The following TENM3 variants were observed in gnomAD, a reference collection of about 807,000 sequenced individuals.
TENM3 encodes teneurin transmembrane protein 3, also known as teneurin-3.
Under a neutral mutation model 255.1 loss-of-function variants are expected in TENM3, and 63 were observed. That is an observed-to-expected ratio of 0.25 (90% CI 0.20 to 0.30). The LOEUF (loss-of-function observed/expected upper bound fraction) is 0.30, where lower values mean the gene tolerates loss of function less well. Among genes scored for constraint, TENM3 ranks in the 10% least tolerant of loss-of-function variants. The probability of loss-of-function intolerance (pLI) is 1.00; values close to 1 mark genes in which losing one functional copy is unlikely to be tolerated. For synonymous variants in TENM3, 1,306 were observed against 1,322.3 expected (o/e 0.99, Z 0.27); for missense variants, 2,929 against 3,461.1 (o/e 0.85, Z 3.86).
At chr4:181,502,126 A>G in the TENM3 span, among the ~76,000 whole-genome samples, 4 of 152,222 alleles carry the variant, frequency 2.6e-5, no homozygotes, top group African/African-American at 9.6e-5. Context: ...AACCTTATTT[A>G]GAAGGTGAAG....
intron 3 of TENM3, among the ~76,000 whole-genome samples, chr4:182,430,833 G>A (rs1771574372): frequency 6.6e-6 from 1 of 151,788 alleles, no homozygotes; most frequent in South Asian, 2.1e-4. Flanking sequence ...GCAACATGGT[G>A]AAACCCTGTC....
At chr4:181,715,284 A>C in the TENM3 span, among the ~76,000 whole-genome samples, 23 of 152,162 alleles carry the variant, frequency 1.5e-4, no homozygotes, top group Admixed American at 1.5e-3. Context: ...CCACCAGTTC[A>C]AATGTTGCAC....
chr4:182,421,521 A>G (rs1156728374), intron 3 of TENM3, among the ~76,000 whole-genome samples: 1 of 152,162 alleles, frequency 6.6e-6, no homozygotes, highest in Non-Finnish European at 1.5e-5. Flanking sequence ...AGCATTTCCC[A>G]AAGAATCCAG....
chr4:182,370,923 C>G (rs1474301649), intron 3 of TENM3, among the ~76,000 whole-genome samples: 1 of 152,092 alleles, frequency 6.6e-6, no homozygotes, highest in Non-Finnish European at 1.5e-5. Flanking sequence ...ACAAACTCAA[C>G]TAGGTATCAT....
At chr4:181,984,915 A>G in the TENM3 span, among the ~76,000 whole-genome samples, 4 of 151,932 alleles carry the variant, frequency 2.6e-5, no homozygotes, top group African/African-American at 4.8e-5. Context: ...GAAGTAGGGA[A>G]AAGTCTTTTA....
intron 2 of TENM3, among the ~76,000 whole-genome samples, chr4:182,340,404 G>T (rs1195287951): frequency 6.6e-6 from 1 of 152,124 alleles, no homozygotes; most frequent in Non-Finnish European, 1.5e-5. Context: ...TTCAATATGT[G>T]GTTATGGGTA....
the TENM3 span, among the ~76,000 whole-genome samples, chr4:181,846,124 C>T: frequency 6.6e-6 from 1 of 152,134 alleles, no homozygotes; most frequent in Non-Finnish European, 1.5e-5. Flanking sequence ...AGGCCTCTTT[C>T]CTGCCATTTT....
intron 1 of TENM3, among the ~76,000 whole-genome samples, chr4:182,273,661 CAATT>C: frequency 6.6e-6 from 1 of 152,266 alleles, no homozygotes; most frequent in African/African-American, 2.4e-5. Context: ...AGGTGCAAAA[CAATT>C]AAAGAAAAAT....
intron 1 of TENM3, among the ~76,000 whole-genome samples, chr4:182,175,984 C>T (rs1184564166): frequency 6.6e-6 from 1 of 151,604 alleles, no homozygotes; most frequent in African/African-American, 2.4e-5. Flanking sequence ...GTGGATGACT[C>T]ATTTGATCAA....
the TENM3 span, among the ~76,000 whole-genome samples, chr4:182,132,613 T>C: frequency 6.6e-6 from 1 of 152,240 alleles, no homozygotes; most frequent in Non-Finnish European, 1.5e-5. Flanking sequence ...ATTTTTTTCA[T>C]ATTATAAAAT....
chr4:182,118,128 T>G, the TENM3 span, among the ~76,000 whole-genome samples: 1 of 152,084 alleles, frequency 6.6e-6, no homozygotes, highest in African/African-American at 2.4e-5. Flanking sequence ...ATAATTATAA[T>G]AATTATAATT....
Position 182,737,051 on chromosome 4 carries a change from G to A in TENM3, c.3211G>A (p.Val1071Ile). The part of the protein sequence containing the change: ...WDKTDAYNQK[V>I]YGLSEAVVSV... ...TAAAACAGATGCATATAATCAGAAA[G>A]TCTATGGTCTATCTGAAGCTGTTGG... is the stretch of plus-strand genomic sequence containing the variant. The change falls in exon 17 of 28, where the codon GTC becomes ATC. Residue 1071 changes from valine (V) to isoleucine (I), a missense_variant. Coordinates refer to ENST00000511685, the MANE Select transcript of TENM3 (RefSeq NM_001080477.4). 6.2e-7 allele frequency: 1 copy of A among 1,613,668 alleles called. No homozygotes were observed. Among genetic ancestry groups the A allele is most frequent in the Non-Finnish European group, 8.5e-7 (1 of 1,179,756 alleles).
chr4:182,799,914 C>A lies in TENM3; in HGVS notation c.7663C>A (p.Pro2555Thr). Reference sequence around the variant, plus strand: ...GCACTACTTCATCAAGACCACCACGCCCGAGAGCGACCTGGGCACGCTGCG... The same window carrying A: ...GCACTACTTCATCAAGACCACCACGACCGAGAGCGACCTGGGCACGCTGCG... ...DTHYFIKTTT[P>T]ESDLGTLRLT... The change falls in exon 28 of 28, where the codon CCC becomes ACC. Residue 2555 changes from proline (P) to threonine (T), a missense_variant. Pro to Thr is a conservative substitution (Grantham distance 38). Coordinates refer to ENST00000511685, the MANE Select transcript of TENM3 (RefSeq NM_001080477.4). This position sits in a 1 kb window ranked among gnomAD's most constrained non-coding sequence, Gnocchi z 4.2. The A allele has an allele frequency of 6.2e-7, 1 of 1,604,874 alleles. No homozygotes were observed. The highest frequency in any genetic ancestry group is 1.1e-5 in the South Asian group (1 of 89,206).
At chr4:182,621,652 T>TAATATATAATATGTATTATATATATAA (rs1750179869) in intron 4 of TENM3, among the ~76,000 whole-genome samples, 1 of 65,744 alleles carries the variant, frequency 1.5e-5, no homozygotes, top group African/African-American at 5.7e-5. Flanking sequence ...ATACATATTA[T>TAATATATAATATGTATTATATATATAA]AATATATAAT....
the TENM3 span, among the ~76,000 whole-genome samples, chr4:181,510,013 C>T: frequency 3.3e-5 from 5 of 152,196 alleles, no homozygotes; most frequent in African/African-American, 9.6e-5. Flanking sequence ...CAAGCTTTAT[C>T]GGTGTCAACA....
chr4:182,178,620 TTAGCTGTGGAATATTTAAGCTAAA>T (rs1752662591), intron 1 of TENM3, among the ~76,000 whole-genome samples: 1 of 152,232 alleles, frequency 6.6e-6, no homozygotes, highest in African/African-American at 2.4e-5. Flanking sequence ...AGTAATTTTG[TTAGCTGTGGAATATTTAAGCTAAA>T]TGGTTTGAAA....
chr4:181,885,097 C>T, the TENM3 span, among the ~76,000 whole-genome samples: 3 of 152,078 alleles, frequency 2.0e-5, no homozygotes, highest in African/African-American at 7.2e-5. Context: ...TTTCACATTG[C>T]TTTTTGTATA....
At chr4:182,295,183 A>G (rs751605831) in intron 1 of TENM3, among the ~76,000 whole-genome samples, 18 of 150,156 alleles carry the variant, frequency 1.2e-4, no homozygotes, top group Non-Finnish European at 2.5e-4. Flanking sequence ...AGTGATACGT[A>G]TTATTGATGA....
chr4:182,424,391 T>C (rs1367638283), intron 3 of TENM3, among the ~76,000 whole-genome samples: 1 of 152,176 alleles, frequency 6.6e-6, no homozygotes, highest in Non-Finnish European at 1.5e-5. Flanking sequence ...AAAGTCACTC[T>C]TTCTAGCATT....
Sources: gnomAD v4.1 joint callset for allele counts (sites outside exome capture counted in the v4.1 genomes callset) on GRCh38, gnomAD v4.1.1 for gene constraint, Gnocchi (gnomAD v3.1) non-coding constraint, MANE v1.5 for transcripts, NCBI Gene and HGNC (gene_info 2026-07-23, HGNC 2026-07-21) for gene names.